Variants in LIMCH1 observed in about 807,000 individuals in gnomAD.
LIMCH1 encodes LIM and calponin homology domains 1.
In LIMCH1, 113 loss-of-function variants were observed where a neutral mutation model predicts 176.5. That is an observed-to-expected ratio of 0.64 (90% CI 0.55 to 0.75). LIMCH1 has a LOEUF of 0.75. LIMCH1 is among the 30% of genes least tolerant of loss of function. LIMCH1 has a pLI of 0.00. For synonymous variants in LIMCH1, 619 were observed against 645.9 expected (o/e 0.96, Z 0.63); for missense variants, 1,674 against 1,814.9 (o/e 0.92, Z 1.41).
At chr4:41,616,934 C>G (rs1442948344) in intron 5 of LIMCH1, among the ~76,000 whole-genome samples, 2 of 152,090 alleles carry the variant, frequency 1.3e-5, no homozygotes, top group African/African-American at 2.4e-5. Context: ...GCTACTCTGT[C>G]CTGGAGCATT....
At chr4:41,577,313 G>A (rs2084656237) in intron 1 of LIMCH1, among the ~76,000 whole-genome samples, 1 of 151,998 alleles carries the variant, frequency 6.6e-6, no homozygotes, top group East Asian at 1.9e-4. Flanking sequence ...TATTAGGAAA[G>A]CCCAGAATTT....
intron 1 of LIMCH1, among the ~76,000 whole-genome samples, chr4:41,437,235 T>C (rs1310530171): frequency 6.6e-6 from 1 of 152,220 alleles, no homozygotes; most frequent in African/African-American, 2.4e-5. Context: ...CCAGAAACCT[T>C]GTAAGGTCCT....
chr4:41,557,322 A>G (rs1394568128), intron 1 of LIMCH1, among the ~76,000 whole-genome samples: 1 of 152,154 alleles, frequency 6.6e-6, no homozygotes, highest in Non-Finnish European at 1.5e-5. Context: ...AGCTTCGTAA[A>G]AAGGGTTATA....
intron 2 of LIMCH1, among the ~76,000 whole-genome samples, chr4:41,505,723 G>A (rs2074061688): frequency 6.6e-6 from 1 of 152,070 alleles, no homozygotes; most frequent in Admixed American, 6.6e-5. Context: ...CTTTGTACCG[G>A]ATTGAGAGCT....
intron 1 of LIMCH1, among the ~76,000 whole-genome samples, chr4:41,552,935 T>TA (rs2080697855): frequency 6.6e-6 from 1 of 152,288 alleles, no homozygotes; most frequent in Admixed American, 6.5e-5. Context: ...GTGAGCTGTT[T>TA]AAAAAAATAA....
intron 1 of LIMCH1, among the ~76,000 whole-genome samples, chr4:41,598,676 G>T (rs2089378447): frequency 6.6e-6 from 1 of 152,102 alleles, no homozygotes; most frequent in East Asian, 1.9e-4. Context: ...CATTTTACTT[G>T]CAGTTTTATA....
At chr4:41,684,320 C>CT (rs1395524938) in intron 26 of LIMCH1, 77 bp from the exon 27 acceptor site, 1 of 1,348,084 alleles carries the variant, frequency 7.4e-7, no homozygotes, top group Non-Finnish European at 1.0e-6. Flanking sequence ...TACTCCCATC[C>CT]TTTAAGTTAT....
At chr4:41,512,703 C>G (rs1016379357) in intron 2 of LIMCH1, among the ~76,000 whole-genome samples, 1 of 152,076 alleles carries the variant, frequency 6.6e-6, no homozygotes, top group African/African-American at 2.4e-5. Context: ...ATAGGCAAAT[C>G]TATAGAGACA....
chr4:41,653,799 C>G (rs1208161960), intron 18 of LIMCH1, among the ~76,000 whole-genome samples: 1 of 152,224 alleles, frequency 6.6e-6, no homozygotes, highest in African/African-American at 2.4e-5. Context: ...TTCCTTCTAC[C>G]TCATCTTTCT....
At chr4:41,557,605 A>G (rs1213922024) in intron 1 of LIMCH1, among the ~76,000 whole-genome samples, 1 of 150,776 alleles carries the variant, frequency 6.6e-6, no homozygotes, top group Non-Finnish European at 1.5e-5. Flanking sequence ...ATTCTTAATA[A>G]AGGTGGCCTG....
At chr4:41,605,467 C>A (rs2090565903) in intron 3 of LIMCH1, among the ~76,000 whole-genome samples, 1 of 152,156 alleles carries the variant, frequency 6.6e-6, no homozygotes, top group Non-Finnish European at 1.5e-5. Context: ...TCTGTGCCCA[C>A]AAGTAGAAAT....
intron 1 of LIMCH1, among the ~76,000 whole-genome samples, chr4:41,542,845 A>G (rs1476100176): frequency 6.6e-6 from 1 of 152,244 alleles, no homozygotes; most frequent in East Asian, 1.9e-4. Flanking sequence ...TATAGGGCTC[A>G]TATGAGTCAA....
intron 1 of LIMCH1, among the ~76,000 whole-genome samples, chr4:41,423,866 AG>A (rs149798738): frequency 0.017 from 2,645 of 152,150 alleles, 74 homozygotes; most frequent in African/African-American, 0.06. Flanking sequence ...GGTGGAGAGA[AG>A]GGAAAGGTGG....
intron 21 of LIMCH1, among the ~76,000 whole-genome samples, chr4:41,667,470 A>G (rs2094868802): frequency 6.6e-6 from 1 of 152,130 alleles, no homozygotes; most frequent in Non-Finnish European, 1.5e-5. Flanking sequence ...TTTAACACAT[A>G]CATACTGAGG....
chr4:41,470,571 A>G (rs1224268007), intron 1 of LIMCH1, among the ~76,000 whole-genome samples: 4 of 152,094 alleles, frequency 2.6e-5, no homozygotes, highest in African/African-American at 4.8e-5. Context: ...TCCAGTGTAC[A>G]CTTCTCCTCA....
At chr4:41,454,709 G>A (rs983472826) in intron 1 of LIMCH1, among the ~76,000 whole-genome samples, 5 of 152,158 alleles carry the variant, frequency 3.3e-5, no homozygotes, top group African/African-American at 9.7e-5. Context: ...CGCAAGCTAT[G>A]CAGGGCACGT....
Position 41,444,818 on chromosome 4 carries a change from AAG to A in LIMCH1, c.97-49716_97-49715del, listed in dbSNP as rs1582285840. On this transcript the variant is annotated intron_variant, in intron 1 of 26. Coordinates refer to the LIMCH1 transcript ENST00000313860. ...GTGGTTAAGGATATAGTCCCCATAAAAGAAATCTGCTTATGGGCAATATTTTG... is the reference window on the plus strand; with the variant it reads ...GTGGTTAAGGATATAGTCCCCATAAAAAATCTGCTTATGGGCAATATTTTG... Among the ~76,000 whole-genome samples, 4 of 152,256 alleles carry A rather than the reference AAG, an allele frequency of 2.6e-5. No individual in the cohort carries two copies. The East Asian group carries it at 7.7e-4, about 29-fold the overall frequency.
intron 1 of LIMCH1, among the ~76,000 whole-genome samples, chr4:41,485,399 A>G (rs2069331732): frequency 6.6e-6 from 1 of 152,164 alleles, no homozygotes; most frequent in Non-Finnish European, 1.5e-5. Flanking sequence ...CCATTCATGG[A>G]TAGTGTTAAT....
intron 1 of LIMCH1, among the ~76,000 whole-genome samples, chr4:41,379,812 T>A (rs2055364298): frequency 6.6e-6 from 1 of 152,210 alleles, no homozygotes; most frequent in Admixed American, 6.5e-5. Flanking sequence ...TATTTTTATT[T>A]TTTTGAGACA....
Sources: allele counts gnomAD v4.1 joint callset (sites outside exome capture counted in the v4.1 genomes callset), GRCh38; gene constraint gnomAD v4.1.1; transcripts MANE v1.5; gene names NCBI Gene and HGNC (gene_info 2026-07-23, HGNC 2026-07-21).